The following C10orf143 variants were observed in gnomAD, a reference collection of about 807,000 sequenced individuals.
The protein encoded by C10orf143 is uncharacterized protein C10orf143.
At chr10:130,072,589 C>T (rs941740706) in intron 3 of C10orf143, among the ~76,000 whole-genome samples, 6 of 151,984 alleles carry the variant, frequency 3.9e-5, no homozygotes, top group Admixed American at 6.6e-5. Context: ...TTTAAAAAAA[C>T]CTTCCAATTT....
chr10:130,088,099 C>T (rs1278438579), intron 1 of C10orf143, among the ~76,000 whole-genome samples: 1 of 152,160 alleles, frequency 6.6e-6, no homozygotes, highest in Non-Finnish European at 1.5e-5. Flanking sequence ...ACCAAAGGAG[C>T]TAGCCAGGTG....
chr10:130,071,089 T>C (rs1861025344), intron 3 of C10orf143, among the ~76,000 whole-genome samples: 1 of 152,136 alleles, frequency 6.6e-6, no homozygotes, highest in South Asian at 2.1e-4. Context: ...CTAATGTTTT[T>C]TGTATTTTTA....
At chr10:130,096,252 C>T (rs564850467) in intron 1 of C10orf143, among the ~76,000 whole-genome samples, 18 of 152,110 alleles carry the variant, frequency 1.2e-4, no homozygotes, top group East Asian at 7.8e-4. Context: ...TACCATCTCA[C>T]GCCAGTTAGA....
intron 1 of C10orf143, among the ~76,000 whole-genome samples, chr10:130,103,135 C>G (rs953980060): frequency 6.6e-6 from 1 of 152,032 alleles, no homozygotes; most frequent in Non-Finnish European, 1.5e-5. Flanking sequence ...TGAGCCACTA[C>G]GCCCAGCTAA....
chr10:130,047,482 G>T (rs1860689882), intron 3 of C10orf143, among the ~76,000 whole-genome samples: 1 of 152,194 alleles, frequency 6.6e-6, no homozygotes, highest in Non-Finnish European at 1.5e-5. Flanking sequence ...CCCTGAGGCT[G>T]CCTTAATGCC....
At chr10:130,088,340 C>T (rs1036273464) in intron 1 of C10orf143, among the ~76,000 whole-genome samples, 19 of 152,130 alleles carry the variant, frequency 1.2e-4, no homozygotes, top group East Asian at 3.9e-4. Flanking sequence ...GCCAGGATCG[C>T]GCCATTGCAC....
chr10:130,058,363 ACTT>A (rs2134738908), intron 3 of C10orf143, among the ~76,000 whole-genome samples: 1 of 152,206 alleles, frequency 6.6e-6, no homozygotes, highest in African/African-American at 2.4e-5. Context: ...CAGTGAAGGT[ACTT>A]CTTCTCTCAA....
intron 1 of C10orf143, among the ~76,000 whole-genome samples, chr10:130,100,064 C>G (rs543349327): frequency 6.6e-6 from 1 of 151,564 alleles, no homozygotes; most frequent in Admixed American, 6.6e-5. Flanking sequence ...TCTCGAACTC[C>G]TGACCTTGTG....
At chr10:130,108,107 C>T (rs561271877) in intron 1 of C10orf143, 6 of 1,527,046 alleles carry the variant, frequency 3.9e-6, no homozygotes, top group East Asian at 2.3e-5. Flanking sequence ...AACTGGCCCT[C>T]GCTTTGTTCC....
chr10:130,108,188 C>T, intron 1 of C10orf143: 1 of 1,568,702 alleles, frequency 6.4e-7, no homozygotes, highest in Non-Finnish European at 8.8e-7. Flanking sequence ...GAGAAGAGCA[C>T]CTCCTTTCCC....
intron 3 of C10orf143, among the ~76,000 whole-genome samples, chr10:130,051,039 A>G (rs554276262): frequency 6.6e-6 from 1 of 152,190 alleles, no homozygotes; most frequent in Non-Finnish European, 1.5e-5. Flanking sequence ...TCCACTGCTA[A>G]GCCAACTTGC....
Position 130,107,294 on chromosome 10 carries a change from A to G in C10orf143, c.69+3410T>C, listed in dbSNP as rs1861667680. On this transcript the variant is annotated intron_variant, in intron 1 of 3. Coordinates refer to ENST00000637128, the MANE Select transcript of C10orf143 (RefSeq NM_001355042.2). ...AGAAGAGAAACTTTCTAAGGTAGAC[A>G]AAAAGATCAGCCATGCCACTAAAGA... The G allele has an allele frequency of 2.7e-6, 3 of 1,127,568 alleles. No individual in the cohort carries two copies. In the Admixed American group the frequency reaches 5.1e-5, roughly 19 times the overall value. 69.8% of individuals were successfully genotyped at this position (1,127,568 alleles called of 1,614,324 possible). A position where few individuals can be genotyped will look rare whatever the true frequency, so the allele number is the denominator to read the frequency against.
At chr10:130,054,540 A>C (rs1019719949) in intron 3 of C10orf143, among the ~76,000 whole-genome samples, 4 of 152,226 alleles carry the variant, frequency 2.6e-5, no homozygotes, top group African/African-American at 9.6e-5. Context: ...CATACGCAAA[A>C]GTGAGATTGC....
At chr10:130,088,787 T>G (rs902121197) in intron 1 of C10orf143, among the ~76,000 whole-genome samples, 1 of 152,196 alleles carries the variant, frequency 6.6e-6, no homozygotes, top group Non-Finnish European at 1.5e-5. Flanking sequence ...ATTCTTTCCA[T>G]CAAGTAAAGA....
intron 1 of C10orf143, among the ~76,000 whole-genome samples, chr10:130,105,342 T>C (rs1861623273): frequency 6.6e-6 from 1 of 152,234 alleles, no homozygotes; most frequent in Non-Finnish European, 1.5e-5. Context: ...TACCATTTAC[T>C]AGCTGTGTAT....
intron 3 of C10orf143, among the ~76,000 whole-genome samples, chr10:130,078,323 G>C (rs1398312390): frequency 1.3e-5 from 2 of 152,118 alleles, no homozygotes; most frequent in African/African-American, 2.4e-5. Context: ...ACATTCCATG[G>C]AAATGGGGTG....
At chr10:130,059,943 TGAC>T (rs1420300927), downstream of C10orf143, among the ~76,000 whole-genome samples, 1 of 152,120 alleles carries the variant, frequency 6.6e-6, no homozygotes, top group Non-Finnish European at 1.5e-5. Context: ...GTGTTAGGAG[TGAC>T]GACTGTATTG....
chr10:130,085,400 T>C (rs920644937), intron 1 of C10orf143, among the ~76,000 whole-genome samples: 1 of 152,218 alleles, frequency 6.6e-6, no homozygotes, highest in African/African-American at 2.4e-5. Flanking sequence ...ACTTCTGCAG[T>C]ACTCATGCCA....
chr10:130,110,353 CAGG>C (rs1169594365), intron 1 of C10orf143, among the ~76,000 whole-genome samples: 2 of 152,190 alleles, frequency 1.3e-5, no homozygotes, highest in African/African-American at 2.4e-5. Context: ...GTGTAGACGG[CAGG>C]AGAAGACATG....
Sources: gnomAD v4.1 joint callset for allele counts (sites outside exome capture counted in the v4.1 genomes callset) on GRCh38, gnomAD v4.1.1 for gene constraint, MANE v1.5 for transcripts, NCBI Gene and HGNC (gene_info 2026-07-23, HGNC 2026-07-21) for gene names.